The following TAFA2 variants were observed in gnomAD, a reference collection of about 807,000 sequenced individuals.
TAFA2 encodes chemokine-like protein TAFA-2.
In TAFA2, 7 loss-of-function variants were observed where a neutral mutation model predicts 18.8. The observed-to-expected ratio is 0.37, with a 90% CI of 0.21 to 0.70. The LOEUF is 0.70. Ranked by LOEUF, TAFA2 falls within the 30% of genes least tolerant of loss-of-function variation. The probability of loss-of-function intolerance (pLI) is 0.53; values close to 1 mark genes in which losing one functional copy is unlikely to be tolerated. For synonymous variants in TAFA2, 60 were observed against 54.2 expected (o/e 1.11, Z -0.47); for missense variants, 122 against 158.1 (o/e 0.77, Z 1.23).
At chr12:62,092,536 C>T (rs1449772172) in intron 1 of TAFA2, among the ~76,000 whole-genome samples, 1 of 151,968 alleles carries the variant, frequency 6.6e-6, no homozygotes, top group Non-Finnish European at 1.5e-5. Context: ...TTTGAAATGT[C>T]ATCCTCATTT....
intron 2 of TAFA2, among the ~76,000 whole-genome samples, chr12:61,815,854 G>A (rs546724625): frequency 6.6e-6 from 1 of 151,078 alleles, no homozygotes; most frequent in Admixed American, 6.6e-5. Flanking sequence ...CTAAAAGCTG[G>A]GCATACAACA....
intron 1 of TAFA2, chr12:61,879,476 G>T: frequency 4.3e-6 from 3 of 691,658 alleles, no homozygotes; most frequent in Non-Finnish European, 7.9e-6. Context: ...CTGGGTGGAG[G>T]CTTTGGCGGG....
intron 1 of TAFA2, among the ~76,000 whole-genome samples, chr12:61,907,959 T>C (rs184901940): frequency 3.8e-4 from 58 of 152,212 alleles, no homozygotes; most frequent in Admixed American, 1.8e-3. Context: ...TTGGAATGGG[T>C]ATATTACCCA....
intron 2 of TAFA2, among the ~76,000 whole-genome samples, chr12:61,788,049 A>G (rs575767243): frequency 1.3e-5 from 2 of 151,820 alleles, no homozygotes; most frequent in South Asian, 4.1e-4. Flanking sequence ...AGTAGGAGTA[A>G]CTATAGTTGC....
chr12:62,164,042 T>C (rs1040949985), intron 1 of TAFA2, among the ~76,000 whole-genome samples: 2 of 152,162 alleles, frequency 1.3e-5, no homozygotes, highest in African/African-American at 4.8e-5. Context: ...AATGAAAATG[T>C]TATGAATAGT....
chr12:62,244,547 G>A (rs1408337002), intron 1 of TAFA2, among the ~76,000 whole-genome samples: 2 of 152,114 alleles, frequency 1.3e-5, no homozygotes, highest in African/African-American at 4.8e-5. Context: ...ACTTGGGTAT[G>A]TTTCCTTCTG....
At chr12:61,850,191 GAA>G (rs1239023984) in intron 2 of TAFA2, among the ~76,000 whole-genome samples, 3 of 150,470 alleles carry the variant, frequency 2.0e-5, no homozygotes, top group Non-Finnish European at 4.4e-5. Context: ...GATCAGTTAG[GAA>G]AAAAAAGTCT....
intron 1 of TAFA2, among the ~76,000 whole-genome samples, chr12:61,944,161 C>T (rs1159947769): frequency 8.1e-4 from 116 of 142,542 alleles, no homozygotes; most frequent in Non-Finnish European, 1.5e-3. Context: ...CACTCAAAGC[C>T]GCTCAACTAC....
chr12:61,751,210 T>C (rs372480171), intron 4 of TAFA2, among the ~76,000 whole-genome samples: 2 of 152,104 alleles, frequency 1.3e-5, no homozygotes, highest in African/African-American at 4.8e-5. Context: ...TCAGTGGAGA[T>C]GGCTGAGCAA....
At chr12:62,200,535 G>C (rs2062667029) in intron 1 of TAFA2, among the ~76,000 whole-genome samples, 1 of 152,080 alleles carries the variant, frequency 6.6e-6, no homozygotes, top group African/African-American at 2.4e-5. Flanking sequence ...GCTCATTTTT[G>C]TCAGATTTGT....
At chr12:62,255,755 G>A (rs2062935292) in intron 1 of TAFA2, among the ~76,000 whole-genome samples, 1 of 152,090 alleles carries the variant, frequency 6.6e-6, no homozygotes, top group Non-Finnish European at 1.5e-5. Context: ...TCAGGAGGCT[G>A]AGGCACGAGA....
In TAFA2 at chr12:62,077,606, A is replaced by G. The variant is rs566618414; in HGVS notation, c.-2+113653T>C. ...ACAGGTATTATAAAGCATGCAATAA[A>G]TTTTATAAAGACATCAAACCTCTTT... On this transcript the variant is annotated intron_variant, in intron 1 of 4. Transcript: ENST00000416284. Among the ~76,000 whole-genome samples the G allele has an allele frequency of 2.0e-5, 3 of 152,272 alleles. No homozygotes were observed. The South Asian group carries it at 6.2e-4, about 32-fold the overall frequency.
intron 2 of TAFA2, among the ~76,000 whole-genome samples, chr12:61,782,406 T>C (rs1051188277): frequency 6.6e-6 from 1 of 151,806 alleles, no homozygotes; most frequent in Non-Finnish European, 1.5e-5. Context: ...AATAATTCTT[T>C]CAACCAATTC....
chr12:61,727,693 T>G (rs1024053157), intron 4 of TAFA2, among the ~76,000 whole-genome samples: 1 of 152,010 alleles, frequency 6.6e-6, no homozygotes, highest in African/African-American at 2.4e-5. Context: ...TTAACTTTTG[T>G]ATGGTTTAGT....
intron 1 of TAFA2, among the ~76,000 whole-genome samples, chr12:62,026,394 T>C (rs1045092766): frequency 1.3e-5 from 2 of 151,992 alleles, no homozygotes; most frequent in Non-Finnish European, 2.9e-5. Flanking sequence ...AAACCCATGA[T>C]GGATTTGCTT....
chr12:61,773,431 C>T (rs1294219483), intron 2 of TAFA2, among the ~76,000 whole-genome samples: 1 of 151,574 alleles, frequency 6.6e-6, no homozygotes, highest in Non-Finnish European at 1.5e-5. Context: ...AAATCTGGAG[C>T]CATCATATTA....
chr12:61,720,777 G>A (rs945516820), intron 4 of TAFA2: 6 of 401,542 alleles, frequency 1.5e-5, no homozygotes, highest in African/African-American at 2.1e-5. Flanking sequence ...CTTAGAATCC[G>A]ACCAACACTA....
chr12:61,939,922 C>T (rs1357032979), intron 1 of TAFA2, among the ~76,000 whole-genome samples: 1 of 152,218 alleles, frequency 6.6e-6, no homozygotes, highest in Non-Finnish European at 1.5e-5. Context: ...AGCTTACCTG[C>T]TTCCACCTAC....
intron 1 of TAFA2, among the ~76,000 whole-genome samples, chr12:62,046,821 T>A (rs1056813390): frequency 2.6e-5 from 4 of 152,274 alleles, no homozygotes; most frequent in Admixed American, 6.5e-5. Context: ...GGGGATGTTA[T>A]TATTTCAACA....
Sources: allele counts gnomAD v4.1 joint callset (sites outside exome capture counted in the v4.1 genomes callset), GRCh38; gene constraint gnomAD v4.1.1; transcripts MANE v1.5; gene names NCBI Gene and HGNC (gene_info 2026-07-23, HGNC 2026-07-21).